The following TARS3 variants were observed in gnomAD, a reference collection of about 807,000 sequenced individuals.
TARS3 encodes threonine--tRNA ligase 2, cytoplasmic.
Under a neutral mutation model 103.5 loss-of-function variants are expected in TARS3, and 94 were observed. That is an observed-to-expected ratio of 0.91 (90% CI 0.77 to 1.08). TARS3 has a LOEUF of 1.08. Among genes scored for constraint, TARS3 ranks in the 50% least tolerant of loss-of-function variants. The pLI is 0.00. For synonymous variants in TARS3, 416 were observed against 355.4 expected, an observed-to-expected ratio of 1.17 and a Z score of -1.92; for missense variants, 952 against 995.2, an observed-to-expected ratio of 0.96 and a Z score of 0.58.
chr15:101,667,821 T>C (rs984900576), intron 15 of TARS3, among the ~76,000 whole-genome samples: 9 of 152,226 alleles, frequency 5.9e-5, no homozygotes, highest in African/African-American at 2.2e-4. Context: ...CTTGAACTCC[T>C]GACCTCAGGT....
chr15:101,696,590 G>A (rs973819642), intron 10 of TARS3, among the ~76,000 whole-genome samples: 1 of 152,166 alleles, frequency 6.6e-6, no homozygotes, highest in Non-Finnish European at 1.5e-5. Context: ...TGCACTGGAT[G>A]TAGGTACTGC....
intron 4 of TARS3, among the ~76,000 whole-genome samples, chr15:101,714,195 C>T (rs1900013364): frequency 6.6e-6 from 1 of 152,086 alleles, no homozygotes; most frequent in South Asian, 2.1e-4. Flanking sequence ...TTCCAATTCT[C>T]CTATACATAT....
chr15:101,702,659 A>G (rs937039122), intron 8 of TARS3, among the ~76,000 whole-genome samples: 1 of 152,176 alleles, frequency 6.6e-6, no homozygotes, highest in African/African-American at 2.4e-5. Flanking sequence ...AATCCCAGCT[A>G]CTTGGGAGAC....
intron 18 of TARS3, among the ~76,000 whole-genome samples, chr15:101,656,307 C>A (rs1278817524): frequency 6.6e-6 from 1 of 152,214 alleles, no homozygotes; most frequent in East Asian, 1.9e-4. Flanking sequence ...GAAACACTGT[C>A]AATAGAACAA....
chr15:101,719,787 G>A (rs1900354009), intron 3 of TARS3, among the ~76,000 whole-genome samples: 2 of 152,190 alleles, frequency 1.3e-5, no homozygotes, highest in Non-Finnish European at 2.9e-5. Flanking sequence ...AAGATGGGAG[G>A]AAGCTGGGTC....
At chr15:101,675,480 C>G in intron 13 of TARS3, 120 bp downstream of exon 13, 2 of 917,560 alleles carry the variant, frequency 2.2e-6, no homozygotes, top group Non-Finnish European at 3.3e-6. Context: ...ATATCTATCT[C>G]ATAATTTCCA....
intron 3 of TARS3, among the ~76,000 whole-genome samples, chr15:101,715,901 C>T (rs1038763440): frequency 1.3e-5 from 2 of 152,030 alleles, no homozygotes; most frequent in African/African-American, 4.8e-5. Flanking sequence ...TTCCACGTAC[C>T]CCGATTTTTA....
intron 4 of TARS3, among the ~76,000 whole-genome samples, chr15:101,713,822 T>A (rs1029410433): frequency 4.6e-5 from 7 of 152,242 alleles, no homozygotes; most frequent in African/African-American, 1.7e-4. Flanking sequence ...TGGCTAGCTA[T>A]GGCTGGAGAG....
At chr15:101,665,901 T>C (rs1897560446) in intron 15 of TARS3, among the ~76,000 whole-genome samples, 2 of 152,180 alleles carry the variant, frequency 1.3e-5, no homozygotes, top group South Asian at 4.1e-4. Context: ...AGTTTTTACT[T>C]TGGGAAGCGT....
chr15:101,674,624 G>T (rs1436230330), intron 13 of TARS3, among the ~76,000 whole-genome samples: 1 of 151,992 alleles, frequency 6.6e-6, no homozygotes, highest in Non-Finnish European at 1.5e-5. Context: ...GGCTAACACG[G>T]TGAAGCCCTG....
Position 101,654,477 on chromosome 15 carries a change from G to A in TARS3, c.*105C>T. 8.2e-7 allele frequency: 1 copy of A among 1,217,200 alleles called. No individual in the cohort carries two copies. Among genetic ancestry groups the A allele is most frequent in the South Asian group, 1.5e-5 (1 of 65,168 alleles). The allele number at this position is 1,217,200 out of a possible 1,614,324, so 75.4% of individuals were successfully genotyped here. A position where few individuals can be genotyped will look rare whatever the true frequency, so the allele number is the denominator to read the frequency against. ...CCTTTCTCAGCTGAGGCCATGAGTG[G>A]ACCCATCAGTGGCTCCAAAGTCGTA... is the stretch of plus-strand genomic sequence containing the variant. On this transcript the variant is annotated 3_prime_UTR_variant, in exon 19 of 19. Coordinates refer to ENST00000335968, the MANE Select transcript of TARS3 (RefSeq NM_152334.3).
chr15:101,655,209 T>C (rs1346617774), intron 18 of TARS3, among the ~76,000 whole-genome samples: 2 of 143,240 alleles, frequency 1.4e-5, no homozygotes, highest in Middle Eastern at 3.8e-3. Context: ...GGGGAGCTCT[T>C]ACAGGCTCAC....
At chr15:101,700,100 T>C (rs369419035) in intron 10 of TARS3, among the ~76,000 whole-genome samples, 218 of 152,266 alleles carry the variant, frequency 1.4e-3, no homozygotes, top group African/African-American at 5.0e-3. Context: ...TTTGTAGTTT[T>C]TGAGAGAAAT....
chr15:101,682,627 C>T (rs1418756773), intron 12 of TARS3, among the ~76,000 whole-genome samples: 1 of 152,060 alleles, frequency 6.6e-6, no homozygotes, highest in African/African-American at 2.4e-5. Context: ...ATTTTTCTAT[C>T]ACAGCAATAT....
chr15:101,674,730 G>A lies in TARS3; in HGVS notation c.1788+870C>T, dbSNP rs960065137. Among the ~76,000 whole-genome samples the A allele has an allele frequency of 2.6e-5, 4 of 151,860 alleles. No homozygotes were observed. The South Asian group carries it at 6.2e-4, about 24-fold the overall frequency. On this transcript the variant is annotated intron_variant, in intron 13 of 18. Transcript: ENST00000335968. Reference sequence around the variant, plus strand: ...CTGAGGAGGAGAATGGCGTGAACCCGGGAGGTGGAGCTTGCAGTGAGCTGA... The same window carrying A: ...CTGAGGAGGAGAATGGCGTGAACCCAGGAGGTGGAGCTTGCAGTGAGCTGA...
intron 10 of TARS3, among the ~76,000 whole-genome samples, chr15:101,687,800 C>G (rs1208599923): frequency 2.6e-5 from 4 of 152,086 alleles, no homozygotes; most frequent in African/African-American, 4.8e-5. Context: ...AAGGGTAGAG[C>G]CCTCATGAAT....
chr15:101,665,606 T>C (rs920412060), intron 15 of TARS3, among the ~76,000 whole-genome samples: 1 of 152,184 alleles, frequency 6.6e-6, no homozygotes, highest in African/African-American at 2.4e-5. Context: ...ACATACAGTG[T>C]AGATGACAGG....
At chr15:101,697,868 G>A (rs933017230) in intron 10 of TARS3, among the ~76,000 whole-genome samples, 4 of 152,202 alleles carry the variant, frequency 2.6e-5, no homozygotes, top group African/African-American at 9.7e-5. Flanking sequence ...AGAAGGATCG[G>A]TGTCAGAAAG....
In TARS3 at chr15:101,702,308, G is replaced by C. The variant is rs1389422533; in HGVS notation, c.1152C>G (p.Asn384Lys). 1 of 1,613,998 alleles carries C rather than the reference G, an allele frequency of 6.2e-7. No individual in the cohort carries two copies. The highest frequency in any genetic ancestry group is 8.5e-7 in the Non-Finnish European group (1 of 1,179,944). ...ACTTTTCCCAGTCTCTCATCATCTT[G>C]TTATCAGGAAAGGATATTCCATAGA... The part of the protein sequence containing the change: ...QRIYGISFPD[N>K]KMMRDWEKFQ... Residue 384 changes from asparagine (N) to lysine (K), a missense_variant, in exon 9 of 19, where the codon AAC (asparagine) becomes AAG (lysine). This residue lies in a region of TARS3 where 540 missense variants were observed against 631.0 expected (regional missense o/e 0.86). Coordinates refer to ENST00000335968, the MANE Select transcript of TARS3 (RefSeq NM_152334.3).
Sources: allele counts gnomAD v4.1 joint callset (sites outside exome capture counted in the v4.1 genomes callset), GRCh38; gene constraint gnomAD v4.1.1; regional missense constraint gnomAD v4.1.1; transcripts MANE v1.5; gene names NCBI Gene and HGNC (gene_info 2026-07-23, HGNC 2026-07-21).